Variants in STX7 observed in about 807,000 individuals in gnomAD.
The protein encoded by STX7 is syntaxin-7.
Under a neutral mutation model 39.6 loss-of-function variants are expected in STX7, and 34 were observed. That is an observed-to-expected ratio of 0.86 (90% confidence interval 0.65 to 1.14). STX7 has a LOEUF of 1.14. Ranked by LOEUF, STX7 falls within the 50% of genes most tolerant of loss-of-function variation. The probability of loss-of-function intolerance (pLI) is 0.00; values close to 1 mark genes in which losing one functional copy is unlikely to be tolerated. For synonymous variants in STX7, 119 were observed against 99.1 expected (o/e 1.20, Z -1.19); for missense variants, 284 against 310.4 (o/e 0.92, Z 0.64).
Position 132,446,294 on chromosome 6 carries a change from AAC to A in STX7, c.*14462_*14463del, listed in dbSNP as rs1774011186. ...TTCTCGAGGCCAAGTACTTGGTCTG[AAC>A]ACAGAGTCACTTGTGTTTCTGAAGC... On this transcript the variant is annotated 3_prime_UTR_variant, in exon 10 of 10. Coordinates refer to ENST00000367941, the MANE Select transcript of STX7 (RefSeq NM_003569.3). The A allele has an allele frequency of 6.6e-6, 1 of 152,172 alleles. No homozygotes were observed. The highest frequency in any genetic ancestry group is 1.5e-5 in the Non-Finnish European group (1 of 68,022). The allele number at this position is 152,172 out of a possible 1,614,324, so 9.4% of individuals were successfully genotyped here. A position where few individuals can be genotyped will look rare whatever the true frequency, so the allele number is the denominator to read the frequency against.
chr6:132,503,200 CT>C (rs1775619708), intron 2 of STX7, among the ~76,000 whole-genome samples: 1 of 152,148 alleles, frequency 6.6e-6, no homozygotes, highest in African/African-American at 2.4e-5. Context: ...CCTTTTAAAT[CT>C]TTATTTTATT....
intron 4 of STX7, among the ~76,000 whole-genome samples, 197 bp from the exon 5 acceptor site, chr6:132,471,797 G>C (rs1408850104): frequency 6.6e-6 from 1 of 152,162 alleles, no homozygotes; most frequent in African/African-American, 2.4e-5. Context: ...GACCCATTAT[G>C]CTGGATTTCT....
rs1774028608 is a variant in STX7 at position 132,447,103 on chromosome 6, T to C, written c.*13655A>G. 6.6e-6 allele frequency: 1 copy of C among 152,184 alleles called. No individual in the cohort carries two copies. 9.4% of individuals were successfully genotyped at this position (152,184 alleles called of 1,614,324 possible). A position where few individuals can be genotyped will look rare whatever the true frequency, so the allele number is the denominator to read the frequency against. ...AGAAATAATTCCGTATCTCCTAAGA[T>C]ACATTGGTTAAAAAGATACTAATAA... On this transcript the variant is annotated 3_prime_UTR_variant, in exon 10 of 10. Coordinates refer to ENST00000367941, the MANE Select transcript of STX7 (RefSeq NM_003569.3).
In STX7 at chr6:132,471,502, T is replaced by G; in HGVS notation, c.348A>C (p.Lys116Asn). 6.2e-7 allele frequency: 1 copy of G among 1,614,060 alleles called. No individual in the cohort carries two copies. The highest frequency in any genetic ancestry group is 8.5e-7 in the Non-Finnish European group (1 of 1,179,944). Residue 116 changes from lysine to asparagine, a missense_variant, in exon 5 of 10, where the codon AAA becomes AAC. Coordinates refer to ENST00000367941, the MANE Select transcript of STX7 (RefSeq NM_003569.3). The part of the protein sequence containing the change: ...KVQRQAAERE[K>N]EFVARVRASS... ...TGGCTCTTACTCGAGCAACAAACTC[T>G]TTCTCTCGCTCAGCAGCCTGCCTCT...
intron 2 of STX7, among the ~76,000 whole-genome samples, chr6:132,493,244 C>T (rs2842892): frequency 0.88 from 133,558 of 152,154 alleles, 58,717 homozygotes; most frequent in Middle Eastern, 0.98. Flanking sequence ...TGTATGACTT[C>T]TAGTTTTTTC....
chr6:132,508,035 T>C (rs569820131), intron 1 of STX7, among the ~76,000 whole-genome samples: 1 of 152,314 alleles, frequency 6.6e-6, no homozygotes, highest in East Asian at 1.9e-4. Context: ...GCAAGACACT[T>C]AGCATTTGGG....
rs543213941 is a variant in STX7, at chr6:132,502,760, G to A, written c.85+686C>T. Among the ~76,000 whole-genome samples the A allele has an allele frequency of 9.4e-4, 143 of 152,258 alleles. 1 individual carries two copies. The Middle Eastern group carries it at 0.014, about 14-fold the overall frequency. On this transcript the variant is annotated intron_variant, in intron 2 of 9. Transcript: ENST00000367941. ...TAAAAATACAAAAAATTAGCCGGGC[G>A]TGGTGGCGGGCGCCTGTAGTCCCAG... is the stretch of plus-strand genomic sequence containing the variant.
In STX7 at chr6:132,447,805, T is replaced by G. The variant is rs1774049156; in HGVS notation, c.*12953A>C. On this transcript the variant is annotated 3_prime_UTR_variant, in exon 10 of 10. Coordinates refer to ENST00000367941, the MANE Select transcript of STX7 (RefSeq NM_003569.3). ...TACTGTCTTTTGTAAACTGTATATA[T>G]TGAACAAGGTAGACTTTTTTTTTTA... 1 of 152,096 alleles carries G rather than the reference T, an allele frequency of 6.6e-6. No individual in the cohort carries two copies. The highest frequency in any genetic ancestry group is 1.5e-5 in the Non-Finnish European group (1 of 67,996). 9.4% of individuals were successfully genotyped at this position (152,096 alleles called of 1,614,324 possible).
rs1235802939 is a variant in STX7, at chr6:132,453,192, T to C, written c.*7566A>G. 2 of 152,084 alleles carry C rather than the reference T, an allele frequency of 1.3e-5. No homozygotes were observed. Among genetic ancestry groups the C allele is most frequent in the African/African-American group, 2.4e-5 (1 of 41,438 alleles). The allele number at this position is 152,084 out of a possible 1,614,324, so 9.4% of individuals were successfully genotyped here. Reference sequence around the variant, plus strand: ...TCATGTTGGAGTAATTGAATATCCATAGGCAACAACAAAAAAAATGAACCC... The same window carrying C: ...TCATGTTGGAGTAATTGAATATCCACAGGCAACAACAAAAAAAATGAACCC... On this transcript the variant is annotated 3_prime_UTR_variant, in exon 10 of 10. Coordinates refer to ENST00000367941, the MANE Select transcript of STX7 (RefSeq NM_003569.3).
intron 3 of STX7, among the ~76,000 whole-genome samples, chr6:132,472,630 ACAGATGACTTGAAT>A (rs923933908): frequency 6.6e-6 from 1 of 152,222 alleles, no homozygotes; most frequent in African/African-American, 2.4e-5. Flanking sequence ...ATTTAGAAAC[ACAGATGACTTGAAT>A]CAGAGGGAAC....
Position 132,486,692 on chromosome 6 carries a change from T to A in STX7, c.86-11030A>T, listed in dbSNP as rs758096061. Among the ~76,000 whole-genome samples, 3 of 132,490 alleles carry A rather than the reference T, an allele frequency of 2.3e-5. No individual in the cohort carries two copies. The Middle Eastern group carries it at 0.013, about 557-fold the overall frequency. 86.9% of individuals were successfully genotyped at this position (132,490 alleles called of 152,430 possible). A position where few individuals can be genotyped will look rare whatever the true frequency, so the allele number is the denominator to read the frequency against. On this transcript the variant is annotated intron_variant, in intron 2 of 9. Transcript: ENST00000367941. Reference sequence around the variant, plus strand: ...TTTTTTTTTTTTTTTTGAGACAGAGTCTTGCTCTGTCATGCCCAGCCTGGA... The same window carrying A: ...TTTTTTTTTTTTTTTTGAGACAGAGACTTGCTCTGTCATGCCCAGCCTGGA...
In STX7 at chr6:132,468,389, T is replaced by C. The variant is rs1209450421; in HGVS notation, c.610+14A>G. Reference sequence around the variant, plus strand: ...CTTGCTCTCACCTCCAAAATCTAAGTCAGCAGGTCTTACCTATTACATCTC... The same window carrying C: ...CTTGCTCTCACCTCCAAAATCTAAGCCAGCAGGTCTTACCTATTACATCTC... On this transcript the variant is annotated intron_variant, in intron 8 of 9. Transcript: ENST00000367941. 4 of 1,603,772 alleles carry C rather than the reference T, an allele frequency of 2.5e-6. No homozygotes were observed. The South Asian group carries it at 3.3e-5, about 13-fold the overall frequency.
In STX7 at chr6:132,452,143, T is replaced by C. The variant is rs1774148348; in HGVS notation, c.*8615A>G. 6.6e-6 allele frequency: 1 copy of C among 152,158 alleles called. No individual in the cohort carries two copies. The highest frequency in any genetic ancestry group is 1.5e-5 in the Non-Finnish European group (1 of 68,018). 9.4% of individuals were successfully genotyped at this position (152,158 alleles called of 1,614,324 possible). The stretch of plus-strand genomic sequence containing the variant: ...GGGCTAAAGAAGAAAAATGGCATTA[T>C]GTAAATTAAGGCAGAAAAAGCATTT... On this transcript the variant is annotated 3_prime_UTR_variant, in exon 10 of 10. Transcript: ENST00000367941.
Position 132,459,042 on chromosome 6 carries a change from G to A in STX7, c.*1716C>T, listed in dbSNP as rs1434846717. ...GCCATGGGGATGGGACTTTAAAACA[G>A]CGGTAAGACGCTGGTTTATCACCAG... On this transcript the variant is annotated 3_prime_UTR_variant, in exon 10 of 10. Transcript: ENST00000367941. 1 of 152,156 alleles carries A rather than the reference G, an allele frequency of 6.6e-6. No individual in the cohort carries two copies. The highest frequency in any genetic ancestry group is 1.5e-5 in the Non-Finnish European group (1 of 68,020). The allele number at this position is 152,156 out of a possible 1,614,324, so 9.4% of individuals were successfully genotyped here.
intron 1 of STX7, among the ~76,000 whole-genome samples, chr6:132,509,094 G>A (rs1028538312): frequency 2.6e-5 from 4 of 152,042 alleles, no homozygotes; most frequent in South Asian, 2.1e-4. Flanking sequence ...CCACAGAGCC[G>A]ACATTTTTTA....
rs1479648540 is a variant in STX7, at chr6:132,455,513, C to T, written c.*5245G>A. 1 of 152,184 alleles carries T rather than the reference C, an allele frequency of 6.6e-6. No individual in the cohort carries two copies. Among genetic ancestry groups the T allele is most frequent in the Non-Finnish European group, 1.5e-5 (1 of 68,030 alleles). The allele number at this position is 152,184 out of a possible 1,614,324, so 9.4% of individuals were successfully genotyped here. On this transcript the variant is annotated 3_prime_UTR_variant, in exon 10 of 10. Transcript: ENST00000367941. ...CAGTTCTAGAAAACTCCCTCGTCAACAAGTAGAGGTGTTGTGCGTGTAACG... is the reference window on the plus strand; with the variant it reads ...CAGTTCTAGAAAACTCCCTCGTCAATAAGTAGAGGTGTTGTGCGTGTAACG...
At chr6:132,510,994 A>G (rs868183914) in intron 1 of STX7, among the ~76,000 whole-genome samples, 1 of 152,146 alleles carries the variant, frequency 6.6e-6, no homozygotes, top group South Asian at 2.1e-4. Flanking sequence ...AGTCAATTTC[A>G]CTTTCTTAAT....
chr6:132,505,015 G>C (rs574999525), intron 1 of STX7, among the ~76,000 whole-genome samples: 10 of 152,288 alleles, frequency 6.6e-5, no homozygotes, highest in Admixed American at 4.6e-4. Flanking sequence ...TGGGACAAGG[G>C]GAAAACAACA....
chr6:132,476,694 T>C (rs9483457), intron 2 of STX7, among the ~76,000 whole-genome samples: 34,837 of 152,034 alleles, frequency 0.23, 4,410 homozygotes, highest in East Asian at 0.54. Flanking sequence ...TACTTATATA[T>C]ATATTTTGTG....
Sources: gnomAD v4.1 joint callset for allele counts (sites outside exome capture counted in the v4.1 genomes callset) on GRCh38, gnomAD v4.1.1 for gene constraint, MANE v1.5 for transcripts, NCBI Gene and HGNC (gene_info 2026-07-23, HGNC 2026-07-21) for gene names.